CADPS2: variants seen among roughly 807,000 people sequenced by gnomAD.
CADPS2 encodes the protein calcium-dependent secretion activator 2.
In CADPS2, 93 loss-of-function variants were observed where a neutral mutation model predicts 172.5. That is an observed-to-expected ratio of 0.54 (90% CI 0.46 to 0.64). The LOEUF is 0.64. Ranked by LOEUF, CADPS2 falls within the 30% of genes least tolerant of loss-of-function variation. The probability of loss-of-function intolerance (pLI) is 0.00; values close to 1 mark genes in which losing one functional copy is unlikely to be tolerated. For missense variants in CADPS2, 1,420 were observed against 1,565.9 expected, an observed-to-expected ratio of 0.91 and a Z score of 1.57; for synonymous variants, 546 against 555.2, an observed-to-expected ratio of 0.98 and a Z score of 0.23.
chr7:122,698,877 G>A, intron 2 of CADPS2: 1 of 1,605,750 alleles, frequency 6.2e-7, no homozygotes. Flanking sequence ...GCCAGGAAGA[G>A]GCAGTGTTGT....
chr7:122,831,433 C>A (rs558849174), intron 1 of CADPS2, among the ~76,000 whole-genome samples: 1 of 152,320 alleles, frequency 6.6e-6, no homozygotes, highest in East Asian at 1.9e-4. Flanking sequence ...AAATTCCCAT[C>A]AGAACTTATA....
At chr7:122,685,203 G>A (rs1183026012) in intron 2 of CADPS2, among the ~76,000 whole-genome samples, 1 of 152,060 alleles carries the variant, frequency 6.6e-6, no homozygotes, top group Non-Finnish European at 1.5e-5. Flanking sequence ...CACCACTAAA[G>A]TGACATCCAA....
chr7:122,828,341 T>C (rs1360055783), intron 1 of CADPS2, among the ~76,000 whole-genome samples: 1 of 152,084 alleles, frequency 6.6e-6, no homozygotes, highest in Non-Finnish European at 1.5e-5. Context: ...CAACATATAA[T>C]GGGTTCCTTT....
At chr7:122,364,691 C>T (rs1370249352) in intron 25 of CADPS2, among the ~76,000 whole-genome samples, 1 of 149,584 alleles carries the variant, frequency 6.7e-6, no homozygotes, top group African/African-American at 2.5e-5. Flanking sequence ...TGCGCCACTG[C>T]ACTCCAGCCT....
Position 122,770,810 on chromosome 7 carries a change from C to A in CADPS2, c.340-33742G>T, listed in dbSNP as rs148161397. On this transcript the variant is annotated intron_variant, in intron 1 of 29. Coordinates refer to ENST00000449022, the MANE Select transcript of CADPS2 (RefSeq NM_017954.11). ...CATGAGGCAGAAGCATCAGCAGGTG[C>A]AGCAGGAGCTGCTGCAGGGCACTCA... Among the ~76,000 whole-genome samples the A allele has an allele frequency of 2.6e-5, 4 of 152,290 alleles. No individual in the cohort carries two copies. In the East Asian group the frequency reaches 7.7e-4, roughly 29 times the overall value.
intron 9 of CADPS2, among the ~76,000 whole-genome samples, chr7:122,498,335 G>A (rs934745681): frequency 3.9e-5 from 6 of 152,090 alleles, no homozygotes; most frequent in Admixed American, 2.0e-4. Context: ...AGGAGTTAAA[G>A]AGTTATGGTT....
chr7:122,454,780 A>G (rs1052723079), intron 14 of CADPS2, among the ~76,000 whole-genome samples: 1 of 152,204 alleles, frequency 6.6e-6, no homozygotes, highest in Non-Finnish European at 1.5e-5. Flanking sequence ...ATTATCATTT[A>G]TATAAGCTCA....
At chr7:122,700,417 T>A (rs2085850822) in intron 2 of CADPS2, among the ~76,000 whole-genome samples, 1 of 152,164 alleles carries the variant, frequency 6.6e-6, no homozygotes, top group Admixed American at 6.6e-5. Context: ...AAAGGTTGAT[T>A]TTCTCTCCCA....
chr7:122,361,236 TTTTTTTTTTTA>T (rs1255472653), intron 25 of CADPS2, among the ~76,000 whole-genome samples: 5 of 138,980 alleles, frequency 3.6e-5, no homozygotes, highest in Non-Finnish European at 7.7e-5. Flanking sequence ...TTTTTTTTTT[TTTTTTTTTTTA>T]AAATGAGATG....
intron 25 of CADPS2, among the ~76,000 whole-genome samples, chr7:122,367,359 A>G (rs1270705555): frequency 6.9e-6 from 1 of 145,314 alleles, no homozygotes; most frequent in African/African-American, 2.6e-5. Flanking sequence ...GGAAAAGTGT[A>G]TATTATTTCC....
intron 28 of CADPS2, among the ~76,000 whole-genome samples, chr7:122,336,171 G>C (rs2035821252): frequency 6.6e-6 from 1 of 152,156 alleles, no homozygotes; most frequent in Non-Finnish European, 1.5e-5. Flanking sequence ...TGATAGTTCT[G>C]CTGGTTCCTT....
intron 6 of CADPS2, 47 bp downstream of exon 6, chr7:122,615,134 T>TA: frequency 4.3e-6 from 5 of 1,175,512 alleles, no homozygotes; most frequent in African/African-American, 1.5e-5. Context: ...TTGGGAGGAT[T>TA]AAAAAAACAA....
At chr7:122,773,700 T>A (rs1332023448) in intron 1 of CADPS2, among the ~76,000 whole-genome samples, 1 of 152,222 alleles carries the variant, frequency 6.6e-6, no homozygotes, top group East Asian at 1.9e-4. Flanking sequence ...ATTGCTTTAA[T>A]CACAGAAAAG....
At chr7:122,789,579 C>T (rs1399401337) in intron 1 of CADPS2, among the ~76,000 whole-genome samples, 1 of 152,196 alleles carries the variant, frequency 6.6e-6, no homozygotes, top group Non-Finnish European at 1.5e-5. Flanking sequence ...AATTTTCCCC[C>T]TACCACACAC....
chr7:122,841,345 T>G (rs1012596350), intron 1 of CADPS2, among the ~76,000 whole-genome samples: 2 of 152,104 alleles, frequency 1.3e-5, no homozygotes, highest in African/African-American at 4.8e-5. Context: ...GAAATTGATG[T>G]AAAAAGTAGG....
chr7:122,446,165 C>T (rs140432159), intron 15 of CADPS2, among the ~76,000 whole-genome samples: 1 of 152,266 alleles, frequency 6.6e-6, no homozygotes, highest in African/African-American at 2.4e-5. Flanking sequence ...CCTTCTAATA[C>T]ATTTGGTTTA....
At chr7:122,514,059 C>T (rs886461972) in intron 8 of CADPS2, among the ~76,000 whole-genome samples, 1 of 151,960 alleles carries the variant, frequency 6.6e-6, no homozygotes, top group East Asian at 1.9e-4. Flanking sequence ...ACTGAATATA[C>T]AAATGATATA....
intron 3 of CADPS2, among the ~76,000 whole-genome samples, chr7:122,661,681 T>TA (rs1333261355): frequency 6.6e-6 from 1 of 152,160 alleles, no homozygotes; most frequent in Non-Finnish European, 1.5e-5. Flanking sequence ...TTCTTGGACT[T>TA]ATCAAGTCTT....
chr7:122,381,647 G>A (rs73717645), intron 24 of CADPS2, among the ~76,000 whole-genome samples: 4,860 of 152,158 alleles, frequency 0.032, 263 homozygotes, highest in African/African-American at 0.11. Flanking sequence ...GTGAAAGTCA[G>A]TGGACACTAG....
Sources: gnomAD v4.1 joint callset for allele counts (sites outside exome capture counted in the v4.1 genomes callset) on GRCh38, gnomAD v4.1.1 for gene constraint, MANE v1.5 for transcripts, NCBI Gene and HGNC (gene_info 2026-07-23, HGNC 2026-07-21) for gene names.